Variants in TMEM65 observed in about 807,000 individuals in gnomAD.
TMEM65 encodes the protein transmembrane protein 65.
TMEM65 carries 22 observed loss-of-function variants against 25.4 expected under a neutral mutation model. That is an observed-to-expected ratio of 0.86 (90% CI 0.62 to 1.23). The LOEUF is 1.23. TMEM65 is among the 50% of genes most tolerant of loss of function. TMEM65 has a pLI of 0.00. For synonymous variants in TMEM65, 132 were observed against 126.2 expected, an observed-to-expected ratio of 1.05 and a Z score of -0.31; for missense variants, 262 against 308.2, an observed-to-expected ratio of 0.85 and a Z score of 1.12.
chr8:124,356,273 A>G (rs75294348), intron 1 of TMEM65, among the ~76,000 whole-genome samples: 2 of 152,174 alleles, frequency 1.3e-5, no homozygotes, highest in African/African-American at 4.8e-5. Context: ...CCATTAGGAT[A>G]GCGGGTAATC....
intron 1 of TMEM65, among the ~76,000 whole-genome samples, chr8:124,370,270 G>A (rs980515416): frequency 6.6e-6 from 1 of 152,144 alleles, no homozygotes; most frequent in African/African-American, 2.4e-5. Context: ...TATTCATAGG[G>A]CCCTCCAATC....
intron 1 of TMEM65, among the ~76,000 whole-genome samples, chr8:124,345,795 G>A (rs1814634232): frequency 6.6e-6 from 1 of 152,000 alleles, no homozygotes; most frequent in Non-Finnish European, 1.5e-5. Context: ...CCAGGCTGGA[G>A]TGCAATGGTG....
chr8:124,307,836 A>G lies in TMEM65; in HGVS notation c.*6124T>C, dbSNP rs1411472316. 1 of 152,244 alleles carries G rather than the reference A, an allele frequency of 6.6e-6. No individual in the cohort carries two copies. The highest frequency in any genetic ancestry group is 6.5e-5 in the Admixed American group (1 of 15,274). 9.4% of individuals were successfully genotyped at this position (152,244 alleles called of 1,614,324 possible). On this transcript the variant is annotated 3_prime_UTR_variant, in exon 7 of 7. Transcript: ENST00000297632. ...TTGAGGAGAAAGCATATCTACCAAA[A>G]CAGGTTCTTAAGGCAGACAGAAGTG... is the stretch of plus-strand genomic sequence containing the variant.
rs1814155121 is a variant in TMEM65 at position 124,311,239 on chromosome 8, G to T, written c.*2721C>A. The T allele has an allele frequency of 6.6e-6, 1 of 152,260 alleles. No homozygotes were observed. Among genetic ancestry groups the T allele is most frequent in the Non-Finnish European group, 1.5e-5 (1 of 68,020 alleles). The allele number at this position is 152,260 out of a possible 1,614,324, so 9.4% of individuals were successfully genotyped here. ...CTCAGGTGCAGATTCCAGGGAGGTG[G>T]TAAATTGTTCCATTCACTATCTCAG... is the stretch of plus-strand genomic sequence containing the variant. On this transcript the variant is annotated 3_prime_UTR_variant, in exon 7 of 7. Coordinates refer to ENST00000297632, the MANE Select transcript of TMEM65 (RefSeq NM_194291.3).
At chr8:124,345,362 CG>C (rs1165802877) in intron 1 of TMEM65, among the ~76,000 whole-genome samples, 1 of 152,192 alleles carries the variant, frequency 6.6e-6, no homozygotes, top group East Asian at 1.9e-4. Context: ...CTGCCCAACA[CG>C]TGAGTTGTCT....
intron 1 of TMEM65, among the ~76,000 whole-genome samples, chr8:124,334,343 T>C (rs1257160811): frequency 6.6e-6 from 1 of 152,154 alleles, no homozygotes; most frequent in East Asian, 1.9e-4. Context: ...TAAAATTGTA[T>C]TCAAAGATGT....
intron 1 of TMEM65, among the ~76,000 whole-genome samples, chr8:124,346,137 C>A (rs28718657): frequency 1.2e-4 from 19 of 152,306 alleles, no homozygotes; most frequent in African/African-American, 3.6e-4. Flanking sequence ...GAAAGCAAGG[C>A]ATATCTTACA....
Position 124,347,389 on chromosome 8 carries a change from A to G in TMEM65, c.305-16597T>C, listed in dbSNP as rs150784736. Among the ~76,000 whole-genome samples, 647 of 152,294 alleles carry G rather than the reference A, an allele frequency of 4.2e-3. 5 individuals carry two copies. The highest frequency in any genetic ancestry group is 0.015 in the African/African-American group (610 of 41,560). ...TTATGTAGGAAAGAAATTTCTACTTATATCTTATAAAAACTAACATTGTAA... is the reference window on the plus strand; with the variant it reads ...TTATGTAGGAAAGAAATTTCTACTTGTATCTTATAAAAACTAACATTGTAA... On this transcript the variant is annotated intron_variant, in intron 1 of 6. Transcript: ENST00000297632.
chr8:124,372,190 T>C lies in TMEM65; in HGVS notation c.-33A>G, dbSNP rs1245529165. 2.5e-6 allele frequency: 3 copies of C among 1,201,586 alleles called. No homozygotes were observed. Among genetic ancestry groups the C allele is most frequent in the South Asian group, 3.2e-5 (2 of 61,842 alleles). The allele number at this position is 1,201,586 out of a possible 1,614,324, so 74.4% of individuals were successfully genotyped here. A position where few individuals can be genotyped will look rare whatever the true frequency, so the allele number is the denominator to read the frequency against. ...TGAGGAGCTGGGACCCCCGCGGCCG[T>C]CCGGCAAGGCGGTTTCTGGCGCGGC... On this transcript the variant is annotated 5_prime_UTR_variant, in exon 1 of 7. Transcript: ENST00000297632.
chr8:124,335,733 G>A (rs1034885369), intron 1 of TMEM65, among the ~76,000 whole-genome samples: 33 of 152,052 alleles, frequency 2.2e-4, no homozygotes, highest in Admixed American at 7.9e-4. Context: ...AATACAAAGA[G>A]AACATAGTTA....
At position 124,309,574 on chromosome 8, in the gene TMEM65, C is replaced by T. The variant is rs1814131203; in HGVS notation, c.*4386G>A. 1 of 152,198 alleles carries T rather than the reference C, an allele frequency of 6.6e-6. No individual in the cohort carries two copies. Among genetic ancestry groups the T allele is most frequent in the Non-Finnish European group, 1.5e-5 (1 of 68,034 alleles). The allele number at this position is 152,198 out of a possible 1,614,324, so 9.4% of individuals were successfully genotyped here. On this transcript the variant is annotated 3_prime_UTR_variant, in exon 7 of 7. Transcript: ENST00000297632. ...TCACATATCTGAGATTTTCTTAACA[C>T]CAACTTTCTAGTACCTAGCATGATA... is the stretch of plus-strand genomic sequence containing the variant.
intron 1 of TMEM65, among the ~76,000 whole-genome samples, chr8:124,345,633 G>T (rs1001221536): frequency 1.3e-5 from 2 of 152,130 alleles, no homozygotes; most frequent in African/African-American, 4.8e-5. Context: ...TCATTTTCAT[G>T]TTGAATGTTC....
At chr8:124,349,133 C>G (rs950933216) in intron 1 of TMEM65, among the ~76,000 whole-genome samples, 1 of 152,154 alleles carries the variant, frequency 6.6e-6, no homozygotes. Context: ...TCCCATTCTA[C>G]TTCTCATTCA....
At chr8:124,363,231 T>C (rs1814894273) in intron 1 of TMEM65, among the ~76,000 whole-genome samples, 1 of 152,178 alleles carries the variant, frequency 6.6e-6, no homozygotes, top group Non-Finnish European at 1.5e-5. Context: ...TTAAATTACA[T>C]GGGAAGCATT....
chr8:124,371,745 G>A (rs893190852), intron 1 of TMEM65, 109 bp downstream of exon 1: 6 of 1,108,110 alleles, frequency 5.4e-6, no homozygotes, highest in Non-Finnish European at 7.3e-6. Flanking sequence ...GGCGGAAGGG[G>A]GGCGGCGGCG....
chr8:124,337,024 T>A (rs1045357685), intron 1 of TMEM65, among the ~76,000 whole-genome samples: 2 of 151,798 alleles, frequency 1.3e-5, no homozygotes, highest in Non-Finnish European at 3.0e-5. Context: ...ATAGGTGAAA[T>A]GGACAAATTC....
At position 124,371,888 on chromosome 8, in the gene TMEM65, C is replaced by T; in HGVS notation, c.270G>A (p.Glu90=). 1.9e-6 allele frequency: 3 copies of T among 1,549,902 alleles called. No individual in the cohort carries two copies. Among genetic ancestry groups the T allele is most frequent in the Non-Finnish European group, 1.7e-6 (2 of 1,153,144 alleles). The change falls in exon 1 of 7, where the codon GAG becomes GAA. Residue 90 remains glutamate (E), a synonymous_variant. Coordinates refer to ENST00000297632, the MANE Select transcript of TMEM65 (RefSeq NM_194291.3). The part of the protein sequence containing the change: ...HSTERSCLLK[E]LHRFESIAIA... ...TGGCAATAGACTCGAAGCGGTGCAG[C>T]TCTTTGAGCAGGCAGCTCCTCTCCG...
chr8:124,311,893 G>A lies in TMEM65; in HGVS notation c.*2067C>T, dbSNP rs1814166520. ...ATATTTTGACACCTTAAATAATTCT[G>A]GAGATGTTCAGTTAAACCAGTAATT... is the stretch of plus-strand genomic sequence containing the variant. On this transcript the variant is annotated 3_prime_UTR_variant, in exon 7 of 7. Transcript: ENST00000297632. The A allele has an allele frequency of 6.6e-6, 1 of 152,396 alleles. No individual in the cohort carries two copies. The highest frequency in any genetic ancestry group is 1.9e-4 in the East Asian group (1 of 5,196). The allele number at this position is 152,396 out of a possible 1,614,324, so 9.4% of individuals were successfully genotyped here. A position where few individuals can be genotyped will look rare whatever the true frequency, so the allele number is the denominator to read the frequency against.
intron 1 of TMEM65, among the ~76,000 whole-genome samples, chr8:124,355,099 G>A (rs911791359): frequency 1.3e-5 from 2 of 152,252 alleles, no homozygotes; most frequent in South Asian, 2.1e-4. Flanking sequence ...TGTATTCCAG[G>A]TAATAATGGG....
Sources: gnomAD v4.1 joint callset for allele counts (sites outside exome capture counted in the v4.1 genomes callset) on GRCh38, gnomAD v4.1.1 for gene constraint, MANE v1.5 for transcripts, NCBI Gene and HGNC (gene_info 2026-07-23, HGNC 2026-07-21) for gene names.